Variants in THSD7A observed in about 807,000 individuals in gnomAD.
The protein encoded by THSD7A is thrombospondin type 1 domain containing 7A.
A neutral mutation model predicts 231.3 loss-of-function variants in THSD7A; 96 were observed. The observed-to-expected ratio is 0.41, with a 90% CI of 0.35 to 0.49. The LOEUF is 0.49. Ranked by LOEUF, THSD7A falls within the 20% of genes least tolerant of loss-of-function variation. The pLI is 0.05. For synonymous variants in THSD7A, 940 were observed against 743.3 expected (o/e 1.26, Z -4.30); for missense variants, 2,290 against 2,070.2 (o/e 1.11, Z -2.06).
At chr7:11,451,518 A>T (rs536808425) in intron 11 of THSD7A, among the ~76,000 whole-genome samples, 1 of 152,156 alleles carries the variant, frequency 6.6e-6, no homozygotes, top group Admixed American at 6.6e-5. Context: ...CTACATTGCT[A>T]GTACTCATTA....
intron 1 of THSD7A, among the ~76,000 whole-genome samples, chr7:11,737,755 T>C (rs945209091): frequency 3.3e-5 from 5 of 152,006 alleles, no homozygotes; most frequent in Admixed American, 1.3e-4. Flanking sequence ...AAATGAAAGA[T>C]ATTTCAAAAG....
At chr7:11,745,703 T>C (rs1014344219) in intron 1 of THSD7A, among the ~76,000 whole-genome samples, 1 of 152,112 alleles carries the variant, frequency 6.6e-6, no homozygotes, top group South Asian at 2.1e-4. Context: ...AAATAGGGAA[T>C]CCTTTCCCCA....
chr7:11,467,497 G>C (rs551425949), intron 9 of THSD7A, among the ~76,000 whole-genome samples: 10 of 152,132 alleles, frequency 6.6e-5, no homozygotes, highest in African/African-American at 2.2e-4. Flanking sequence ...AATTAAATAA[G>C]TATTTATACA....
At position 11,590,715 on chromosome 7, in the gene THSD7A, GTT is replaced by G. The variant is rs1780129344; in HGVS notation, c.1272-76_1272-75del. 6.9e-7 allele frequency: 1 copy of G among 1,457,438 alleles called. No individual in the cohort carries two copies. The highest frequency in any genetic ancestry group is 9.1e-7 in the Non-Finnish European group (1 of 1,093,302). The allele number at this position is 1,457,438 out of a possible 1,614,324, so 90.3% of individuals were successfully genotyped here. A position where few individuals can be genotyped will look rare whatever the true frequency, so the allele number is the denominator to read the frequency against. On this transcript the variant is annotated intron_variant, in intron 3 of 27. Transcript: ENST00000423059. The surrounding 1 kb of genome is among the most constrained non-coding windows in gnomAD (Gnocchi z 4.4). ...TGTTTCTCTACTCCTGTCATACTTT[GTT>G]TTAACGAAAATTAGTCTCAAAATCA...
At chr7:11,726,741 G>C (rs1450042922) in intron 1 of THSD7A, among the ~76,000 whole-genome samples, 1 of 152,044 alleles carries the variant, frequency 6.6e-6, no homozygotes, top group African/African-American at 2.4e-5. Flanking sequence ...CCTGAGCAGG[G>C]TATGAGTAGT....
chr7:11,500,457 A>G (rs191034809), intron 6 of THSD7A, among the ~76,000 whole-genome samples: 1 of 152,288 alleles, frequency 6.6e-6, no homozygotes, highest in East Asian at 1.9e-4. Flanking sequence ...TCAAATCCAT[A>G]CATATTAATA....
At chr7:11,739,940 T>C (rs1012066545) in intron 1 of THSD7A, among the ~76,000 whole-genome samples, 7 of 151,950 alleles carry the variant, frequency 4.6e-5, no homozygotes, top group Non-Finnish European at 7.4e-5. Context: ...ACGTGCTAGC[T>C]TGGTATCAAA....
At chr7:11,787,474 CCACG>C (rs1275503665) in intron 1 of THSD7A, among the ~76,000 whole-genome samples, 1 of 151,910 alleles carries the variant, frequency 6.6e-6, no homozygotes, top group Non-Finnish European at 1.5e-5. Context: ...AGAAGACAAG[CCACG>C]CATTGGGAGA....
chr7:11,438,270 C>T (rs1315390672), intron 13 of THSD7A, among the ~76,000 whole-genome samples: 3 of 152,014 alleles, frequency 2.0e-5, no homozygotes, highest in Non-Finnish European at 2.9e-5. Flanking sequence ...AATGTTTCCA[C>T]ACAAGGATAT....
chr7:11,563,435 C>T (rs943064850), intron 4 of THSD7A, among the ~76,000 whole-genome samples: 4 of 152,166 alleles, frequency 2.6e-5, no homozygotes, highest in South Asian at 2.1e-4. Flanking sequence ...TCTCAGCTCA[C>T]TGCAACCTCC....
intron 1 of THSD7A, among the ~76,000 whole-genome samples, chr7:11,769,139 A>ATTTTT (rs1562541243): frequency 2.7e-5 from 1 of 36,742 alleles, no homozygotes; most frequent in Non-Finnish European, 6.3e-5. Context: ...ATATATATAT[A>ATTTTT]TATATATATA....
intron 2 of THSD7A, among the ~76,000 whole-genome samples, chr7:11,628,980 C>T (rs1328785585): frequency 6.6e-6 from 1 of 152,134 alleles, no homozygotes; most frequent in Non-Finnish European, 1.5e-5. Flanking sequence ...GATTATTACC[C>T]TATGGCGATA....
intron 1 of THSD7A, among the ~76,000 whole-genome samples, chr7:11,672,077 G>A (rs982571047): frequency 3.3e-5 from 5 of 152,046 alleles, no homozygotes; most frequent in African/African-American, 1.2e-4. Context: ...CTTAACTCTT[G>A]TTATAGTTGA....
intron 1 of THSD7A, among the ~76,000 whole-genome samples, chr7:11,665,812 T>C (rs560213390): frequency 2.6e-5 from 4 of 152,122 alleles, no homozygotes; most frequent in Middle Eastern, 3.4e-3. Flanking sequence ...AAGTTACTAA[T>C]ACAAAATATG....
intron 1 of THSD7A, among the ~76,000 whole-genome samples, chr7:11,704,536 G>C (rs921661160): frequency 1.3e-5 from 2 of 150,770 alleles, no homozygotes; most frequent in Non-Finnish European, 3.0e-5. Flanking sequence ...AGACTCTTTG[G>C]AGTCTGTGTG....
At chr7:11,656,407 G>C (rs79865941) in intron 1 of THSD7A, among the ~76,000 whole-genome samples, 7 of 151,756 alleles carry the variant, frequency 4.6e-5, no homozygotes, top group African/African-American at 1.7e-4. Context: ...AAGGTACAAC[G>C]GTCATAGGGG....
At chr7:11,515,406 A>G (rs903682861) in intron 6 of THSD7A, among the ~76,000 whole-genome samples, 19 of 152,156 alleles carry the variant, frequency 1.2e-4, no homozygotes, top group African/African-American at 4.3e-4. Context: ...ACTTGACTTC[A>G]GACAGCAAAC....
intron 1 of THSD7A, among the ~76,000 whole-genome samples, chr7:11,818,153 T>C (rs1407666860): frequency 6.6e-6 from 1 of 152,176 alleles, no homozygotes; most frequent in East Asian, 1.9e-4. Flanking sequence ...TACAAACACA[T>C]CCATCTACAA....
chr7:11,789,263 T>C (rs1198259292), intron 1 of THSD7A, among the ~76,000 whole-genome samples: 3 of 152,026 alleles, frequency 2.0e-5, no homozygotes, highest in Non-Finnish European at 2.9e-5. Context: ...AGATGGGCAA[T>C]CAACCTGTCA....
Sources: gnomAD v4.1 joint callset for allele counts (sites outside exome capture counted in the v4.1 genomes callset) on GRCh38, gnomAD v4.1.1 for gene constraint, Gnocchi (gnomAD v3.1) non-coding constraint, MANE v1.5 for transcripts, NCBI Gene and HGNC (gene_info 2026-07-23, HGNC 2026-07-21) for gene names.